Variants in COL5A2 observed in about 807,000 individuals in gnomAD.
COL5A2 encodes the protein collagen type V alpha 2 chain.
A neutral mutation model predicts 208.2 loss-of-function variants in COL5A2; 23 were observed. The observed-to-expected ratio is 0.11, with a 90% CI of 0.08 to 0.16. The LOEUF (loss-of-function observed/expected upper bound fraction) is 0.16, where lower values mean the gene tolerates loss of function less well. Ranked by LOEUF, COL5A2 falls within the 10% of genes least tolerant of loss-of-function variation. The pLI is 1.00. For synonymous variants in COL5A2, 625 were observed against 628.5 expected, an observed-to-expected ratio of 0.99 and a Z score of 0.08; for missense variants, 1,590 against 1,956.4, an observed-to-expected ratio of 0.81 and a Z score of 3.53.
chr2:189,353,211 G>A, the COL5A2 span, among the ~76,000 whole-genome samples: 2 of 152,184 alleles, frequency 1.3e-5, no homozygotes, highest in Middle Eastern at 3.2e-3. Flanking sequence ...GTAGTTCAAA[G>A]TCAGGTAGCG....
chr2:189,142,275 T>A (rs1033306566), intron 1 of COL5A2, among the ~76,000 whole-genome samples: 1 of 152,090 alleles, frequency 6.6e-6, no homozygotes, highest in East Asian at 1.9e-4. Flanking sequence ...TCCTTGTTTT[T>A]TTATTTCTAA....
intron 1 of COL5A2, among the ~76,000 whole-genome samples, chr2:189,191,116 C>G (rs1467276586): frequency 1.5e-5 from 2 of 134,440 alleles, no homozygotes; most frequent in Non-Finnish European, 3.1e-5. Context: ...ACAAAGATTG[C>G]CTGAAGGGAG....
At chr2:189,275,317 C>T in the COL5A2 span, among the ~76,000 whole-genome samples, 2 of 151,874 alleles carry the variant, frequency 1.3e-5, no homozygotes, top group African/African-American at 4.8e-5. Flanking sequence ...GAAAATGCTA[C>T]CTTCTAAATT....
At chr2:189,115,945 C>T (rs563015268) in intron 1 of COL5A2, among the ~76,000 whole-genome samples, 3 of 152,174 alleles carry the variant, frequency 2.0e-5, no homozygotes, top group African/African-American at 2.4e-5. Flanking sequence ...GTGGTTCTTA[C>T]CAGGTGTGTC....
intron 34 of COL5A2, 132 bp downstream of exon 34, chr2:189,057,188 T>G (rs183359421): frequency 1.9e-6 from 2 of 1,028,524 alleles, no homozygotes; most frequent in East Asian, 2.5e-5. Flanking sequence ...AAATGTTTAT[T>G]AGAAGAATGA....
chr2:189,406,532 C>G, the COL5A2 span, among the ~76,000 whole-genome samples: 3 of 152,228 alleles, frequency 2.0e-5, no homozygotes, highest in African/African-American at 7.2e-5. Context: ...AAGTTCTTCT[C>G]CCTGCTAAGC....
intron 7 of COL5A2, among the ~76,000 whole-genome samples, chr2:189,090,379 A>C (rs2105662826): frequency 6.6e-6 from 1 of 152,360 alleles, no homozygotes; most frequent in African/African-American, 2.4e-5. Flanking sequence ...AAAGGAAAGA[A>C]GCCATCTCCA....
At chr2:189,065,914 T>C (rs1686138701) in intron 23 of COL5A2, among the ~76,000 whole-genome samples, 1 of 152,232 alleles carries the variant, frequency 6.6e-6, no homozygotes, top group Non-Finnish European at 1.5e-5. Context: ...TAAAATGCTA[T>C]CTTCTCAGAG....
In COL5A2 at chr2:189,076,512, T is replaced by C. The variant is rs13423791; in HGVS notation, c.1060-1075A>G. Among the ~76,000 whole-genome samples the C allele has an allele frequency of 4.6e-3, 702 of 152,320 alleles. 5 individuals are homozygous for C. Among genetic ancestry groups the C allele is most frequent in the African/African-American group, 0.016 (647 of 41,578 alleles). On this transcript the variant is annotated intron_variant, in intron 16 of 53. Transcript: ENST00000374866. ...AGCTGATGGAATTGCATGGGTCTTG[T>C]ATAGTGCATCTATTGGAGAAAGACA...
chr2:189,435,073 G>A, the COL5A2 span, among the ~76,000 whole-genome samples: 4 of 152,068 alleles, frequency 2.6e-5, no homozygotes, highest in African/African-American at 9.7e-5. Flanking sequence ...CAAGAAATGG[G>A]GAAAGGATTC....
At chr2:189,293,881 C>T in the COL5A2 span, among the ~76,000 whole-genome samples, 3 of 152,058 alleles carry the variant, frequency 2.0e-5, no homozygotes, top group East Asian at 1.9e-4. Flanking sequence ...GTCAGGAGAT[C>T]GAAACCATCC....
rs561598609 is a variant in COL5A2 at position 189,208,046 on chromosome 2, C to T, written c.-42+17102G>A. On this transcript the variant is annotated intron_variant, in intron 1 of 10. Transcript: ENST00000649966. ...GCTAGAAATTCCAAATGTATTTCTCCAGTTAGCTATTACTTTTGAGCTACG... is the reference window on the plus strand; with the variant it reads ...GCTAGAAATTCCAAATGTATTTCTCTAGTTAGCTATTACTTTTGAGCTACG... Among the ~76,000 whole-genome samples the T allele has an allele frequency of 1.1e-4, 16 of 152,268 alleles. No homozygotes were observed. In the South Asian group the frequency reaches 3.1e-3, roughly 30 times the overall value.
intron 1 of COL5A2, among the ~76,000 whole-genome samples, chr2:189,137,757 C>T (rs1415858646): frequency 6.6e-6 from 1 of 152,116 alleles, no homozygotes; most frequent in African/African-American, 2.4e-5. Context: ...CTCATGAAGG[C>T]TTGAACCACC....
At chr2:189,204,309 A>G (rs932365421) in intron 1 of COL5A2, among the ~76,000 whole-genome samples, 1 of 152,238 alleles carries the variant, frequency 6.6e-6, no homozygotes, top group South Asian at 2.1e-4. Context: ...ATGAAAGAGA[A>G]GCACCATTCC....
chr2:189,180,591 C>G (rs943331030), upstream of COL5A2, among the ~76,000 whole-genome samples: 4 of 152,270 alleles, frequency 2.6e-5, no homozygotes, highest in Non-Finnish European at 5.9e-5. Flanking sequence ...AGTCCTTTAT[C>G]TCTGTGCACT....
At chr2:189,074,977 A>G (rs189104410) in intron 17 of COL5A2, among the ~76,000 whole-genome samples, 77 of 152,300 alleles carry the variant, frequency 5.1e-4, no homozygotes, top group Non-Finnish European at 9.4e-4. Flanking sequence ...AAGAGCTCAA[A>G]AACCATTTAA....
At chr2:189,069,790 A>G (rs1249467754) in intron 18 of COL5A2, among the ~76,000 whole-genome samples, 3 of 152,218 alleles carry the variant, frequency 2.0e-5, no homozygotes, top group African/African-American at 7.2e-5. Context: ...ATTTCAGAAT[A>G]TAAGATTTGA....
chr2:189,053,351 T>C (rs1685831845), intron 38 of COL5A2, 73 bp downstream of exon 38: 3 of 1,324,818 alleles, frequency 2.3e-6, no homozygotes, highest in South Asian at 1.2e-5. Context: ...TCAAAACATA[T>C]GACAATGATC....
the COL5A2 span, among the ~76,000 whole-genome samples, chr2:189,399,876 T>C: frequency 6.6e-6 from 1 of 152,026 alleles, no homozygotes; most frequent in South Asian, 2.1e-4. Context: ...ATTTTTGTAT[T>C]TTTTTGTAGA....
Sources: allele counts gnomAD v4.1 joint callset (sites outside exome capture counted in the v4.1 genomes callset), GRCh38; gene constraint gnomAD v4.1.1; transcripts MANE v1.5; gene names NCBI Gene and HGNC (gene_info 2026-07-23, HGNC 2026-07-21).